BICC1: variants seen among roughly 807,000 people sequenced by gnomAD.
The protein encoded by BICC1 is BicC family RNA binding protein 1.
BICC1 carries 43 observed loss-of-function variants against 111.0 expected under a neutral mutation model. That is an observed-to-expected ratio of 0.39 (90% CI 0.30 to 0.50). The LOEUF (loss-of-function observed/expected upper bound fraction) is 0.50, where lower values mean the gene tolerates loss of function less well. Ranked by LOEUF, BICC1 falls within the 20% of genes least tolerant of loss-of-function variation. The pLI, the probability that BICC1 is intolerant of heterozygous loss-of-function variation, is 0.88. For missense variants in BICC1, 1,091 were observed against 1,203.2 expected (o/e 0.91, Z 1.38); for synonymous variants, 467 against 434.4 (o/e 1.07, Z -0.93).
chr10:58,698,445 C>T (rs759966833), intron 2 of BICC1, among the ~76,000 whole-genome samples: 4 of 152,132 alleles, frequency 2.6e-5, no homozygotes, highest in African/African-American at 4.8e-5. Flanking sequence ...AACTTTTTCT[C>T]CTCCTTTAGG....
At chr10:58,639,591 ATT>A (rs1370265132) in intron 2 of BICC1, among the ~76,000 whole-genome samples, 705 of 67,644 alleles carry the variant, frequency 0.01, 5 homozygotes, top group African/African-American at 0.038. Flanking sequence ...TTTTTTTTGT[ATT>A]TTTAGTAGCG....
At chr10:58,726,280 A>G (rs538193275) in intron 3 of BICC1, among the ~76,000 whole-genome samples, 1 of 152,356 alleles carries the variant, frequency 6.6e-6, no homozygotes, top group African/African-American at 2.4e-5. Context: ...TGAAAATTAC[A>G]TAATTTATTG....
At chr10:58,530,554 A>G (rs1278867725) in intron 1 of BICC1, among the ~76,000 whole-genome samples, 1 of 151,698 alleles carries the variant, frequency 6.6e-6, no homozygotes, top group Non-Finnish European at 1.5e-5. Context: ...TTGAGATGAG[A>G]CATTGTTACC....
intron 10 of BICC1, 149 bp from the exon 11 acceptor site, chr10:58,798,250 A>C (rs920819950): frequency 6.5e-6 from 4 of 612,638 alleles, no homozygotes; most frequent in Non-Finnish European, 7.7e-6. Context: ...AACTCATGTG[A>C]GTATTTGAAA....
At chr10:58,681,028 T>C (rs1475677074) in intron 2 of BICC1, among the ~76,000 whole-genome samples, 1 of 152,202 alleles carries the variant, frequency 6.6e-6, no homozygotes, top group African/African-American at 2.4e-5. Flanking sequence ...TAACTCAAGA[T>C]GGATTAAGGT....
chr10:58,740,267 G>GTTTA (rs2132599946), intron 3 of BICC1, among the ~76,000 whole-genome samples: 1 of 152,234 alleles, frequency 6.6e-6, no homozygotes, highest in East Asian at 1.9e-4. Flanking sequence ...TGAAATGAAG[G>GTTTA]TTTATTTCCC....
intron 1 of BICC1, among the ~76,000 whole-genome samples, chr10:58,613,470 G>A (rs927937486): frequency 2.6e-5 from 4 of 152,090 alleles, no homozygotes; most frequent in Non-Finnish European, 5.9e-5. Flanking sequence ...ATAAAGTATG[G>A]TTTGGCTCAT....
chr10:58,733,277 TGTGA>T (rs1237683772), intron 3 of BICC1, among the ~76,000 whole-genome samples: 1 of 152,228 alleles, frequency 6.6e-6, no homozygotes, highest in Non-Finnish European at 1.5e-5. Context: ...CAAAACTTTT[TGTGA>T]GTGAGTGAAT....
chr10:58,522,656 G>A (rs1842422914), intron 1 of BICC1, among the ~76,000 whole-genome samples: 1 of 151,638 alleles, frequency 6.6e-6, no homozygotes, highest in African/African-American at 2.4e-5. Context: ...CTAGAGAAAC[G>A]AGCAAACACA....
chr10:58,797,213 C>A (rs932879053), intron 10 of BICC1, among the ~76,000 whole-genome samples: 1 of 152,164 alleles, frequency 6.6e-6, no homozygotes, highest in Admixed American at 6.6e-5. Flanking sequence ...AGATTTATTT[C>A]TTTCCTGCAC....
intron 2 of BICC1, among the ~76,000 whole-genome samples, chr10:58,640,581 C>G (rs1448006952): frequency 2.0e-5 from 3 of 152,200 alleles, no homozygotes; most frequent in African/African-American, 7.2e-5. Context: ...ATGGTTATTG[C>G]AGCCATGGGA....
At chr10:58,817,510 A>G (rs965040035) in intron 18 of BICC1, 52 bp from the exon 19 acceptor site, 1 of 1,600,504 alleles carries the variant, frequency 6.2e-7, no homozygotes, top group Non-Finnish European at 8.6e-7. Context: ...TAATTAAACC[A>G]TGTTCTCTCT....
chr10:58,659,687 T>G (rs1467572146), intron 2 of BICC1, among the ~76,000 whole-genome samples: 1 of 152,056 alleles, frequency 6.6e-6, no homozygotes, highest in African/African-American at 2.4e-5. Context: ...ATAACAAACC[T>G]GCACATGTAC....
At chr10:58,761,957 A>C (rs1282895657) in intron 3 of BICC1, among the ~76,000 whole-genome samples, 1 of 152,202 alleles carries the variant, frequency 6.6e-6, no homozygotes, top group East Asian at 1.9e-4. Context: ...AAGTCAGATG[A>C]AAGAACGTCA....
In BICC1 at chr10:58,658,074, C is replaced by T. The variant is rs77381279; in HGVS notation, c.237+37173C>T. Among the ~76,000 whole-genome samples the T allele has an allele frequency of 3.7e-3, 567 of 152,278 alleles. 1 individual carries two copies. The highest frequency in any genetic ancestry group is 0.012 in the African/African-American group (506 of 41,556). On this transcript the variant is annotated intron_variant, in intron 2 of 20. Coordinates refer to ENST00000373886, the MANE Select transcript of BICC1 (RefSeq NM_001080512.3). ...TGGTGAATGATGAGTTTTTTCACTA[C>T]GACACCACCATTATCCCCTTTGTAA... is the stretch of plus-strand genomic sequence containing the variant.
intron 1 of BICC1, among the ~76,000 whole-genome samples, chr10:58,539,012 C>T (rs1009797701): frequency 1.3e-5 from 2 of 151,694 alleles, no homozygotes; most frequent in Admixed American, 6.6e-5. Context: ...CTATAGAATA[C>T]AGTATGGAGA....
At chr10:58,532,139 T>C (rs1452425949) in intron 1 of BICC1, among the ~76,000 whole-genome samples, 1 of 151,606 alleles carries the variant, frequency 6.6e-6, no homozygotes, top group Non-Finnish European at 1.5e-5. Flanking sequence ...TAGTCAACTT[T>C]CCAAAAACAA....
intron 1 of BICC1, among the ~76,000 whole-genome samples, chr10:58,576,414 C>T (rs1264316682): frequency 6.6e-6 from 1 of 150,908 alleles, no homozygotes; most frequent in Non-Finnish European, 1.5e-5. Context: ...TTTCTAAATA[C>T]TCTTTAATTT....
At chr10:58,657,882 C>G (rs1588982392) in intron 2 of BICC1, among the ~76,000 whole-genome samples, 4 of 152,048 alleles carry the variant, frequency 2.6e-5, no homozygotes, top group Admixed American at 2.6e-4. Flanking sequence ...CAACCAGTCC[C>G]CAGTTGATAT....
Sources: gnomAD v4.1 joint callset for allele counts (sites outside exome capture counted in the v4.1 genomes callset) on GRCh38, gnomAD v4.1.1 for gene constraint, MANE v1.5 for transcripts, NCBI Gene and HGNC (gene_info 2026-07-23, HGNC 2026-07-21) for gene names.